The following ARHGEF11 variants were observed in gnomAD, a reference collection of about 807,000 sequenced individuals.
The protein encoded by ARHGEF11 is Rho guanine nucleotide exchange factor 11, also known as Rho guanine exchange factor (GEF) 11.
ARHGEF11 carries 55 observed loss-of-function variants against 193.7 expected under a neutral mutation model. That is an observed-to-expected ratio of 0.28 (90% CI 0.23 to 0.36). The LOEUF is 0.36. Ranked by LOEUF, ARHGEF11 falls within the 10% of genes least tolerant of loss-of-function variation. The pLI, the probability that ARHGEF11 is intolerant of heterozygous loss-of-function variation, is 1.00. For synonymous variants in ARHGEF11, 693 were observed against 768.0 expected, an observed-to-expected ratio of 0.90 and a Z score of 1.62; for missense variants, 1,723 against 2,005.6, an observed-to-expected ratio of 0.86 and a Z score of 2.69.
chr1:157,007,693 A>G (rs1441733906), intron 1 of ARHGEF11, among the ~76,000 whole-genome samples: 1 of 152,158 alleles, frequency 6.6e-6, no homozygotes, highest in Non-Finnish European at 1.5e-5. Context: ...GGCCACACAG[A>G]ATTAAACATT....
chr1:156,946,339 G>A (rs959441476), intron 28 of ARHGEF11, among the ~76,000 whole-genome samples, 177 bp from the exon 29 acceptor site: 2 of 152,188 alleles, frequency 1.3e-5, no homozygotes, highest in Non-Finnish European at 2.9e-5. Flanking sequence ...TGTGGTGGCA[G>A]GGAGACACCA....
At chr1:157,040,981 C>T (rs746259539) in intron 1 of ARHGEF11, among the ~76,000 whole-genome samples, 3 of 152,172 alleles carry the variant, frequency 2.0e-5, no homozygotes, top group Non-Finnish European at 4.4e-5. Flanking sequence ...CCAGAGGAGG[C>T]ATGTGACTTC....
intron 21 of ARHGEF11, among the ~76,000 whole-genome samples, chr1:156,953,509 T>G (rs1459101298): frequency 6.6e-6 from 1 of 152,150 alleles, no homozygotes; most frequent in African/African-American, 2.4e-5. Context: ...CCCCTTGTTT[T>G]ATAAACTTTT....
At chr1:157,029,482 G>A (rs929298085) in intron 1 of ARHGEF11, among the ~76,000 whole-genome samples, 3 of 152,106 alleles carry the variant, frequency 2.0e-5, no homozygotes, top group African/African-American at 7.2e-5. Context: ...ATGTTGGTTA[G>A]GCTGGTCTTG....
chr1:156,935,890 C>G lies in ARHGEF11; in HGVS notation c.*110G>C, dbSNP rs548409928. On this transcript the variant is annotated 3_prime_UTR_variant, in exon 41 of 41. Coordinates refer to ENST00000368194, the MANE Select transcript of ARHGEF11 (RefSeq NM_198236.3). ...CTTGGCTGGATCCTAGTTTCCCTAACTGCCTCCTCCACAGGGAGGAGTGTT... is the reference window on the plus strand; with the variant it reads ...CTTGGCTGGATCCTAGTTTCCCTAAGTGCCTCCTCCACAGGGAGGAGTGTT... 9.1e-4 allele frequency: 1,155 copies of G among 1,262,794 alleles called. 6 individuals are homozygous for G. In the African/African-American group the frequency reaches 0.015, roughly 16 times the overall value. The allele number at this position is 1,262,794 out of a possible 1,614,324, so 78.2% of individuals were successfully genotyped here. A position where few individuals can be genotyped will look rare whatever the true frequency, so the allele number is the denominator to read the frequency against.
chr1:156,990,084 G>T (rs930433368), intron 1 of ARHGEF11, among the ~76,000 whole-genome samples: 6 of 152,130 alleles, frequency 3.9e-5, no homozygotes, highest in Non-Finnish European at 8.8e-5. Flanking sequence ...AATTGCCTCA[G>T]TTCAGGAGCC....
chr1:157,028,328 T>C (rs1670900385), intron 1 of ARHGEF11, among the ~76,000 whole-genome samples: 1 of 152,206 alleles, frequency 6.6e-6, no homozygotes, highest in African/African-American at 2.4e-5. Context: ...ACATCAGGTA[T>C]TTTGCTAAGC....
rs186566517 is a variant in ARHGEF11 at position 156,954,081 on chromosome 1, C to A, written c.1798+811G>T. Among the ~76,000 whole-genome samples, 1,098 of 151,954 alleles carry A rather than the reference C, an allele frequency of 7.2e-3. 10 individuals are homozygous for A. The highest frequency in any genetic ancestry group is 8.4e-3 in the Non-Finnish European group (572 of 67,960). On this transcript the variant is annotated intron_variant, in intron 21 of 40. Coordinates refer to ENST00000368194, the MANE Select transcript of ARHGEF11 (RefSeq NM_198236.3). ...ACATTTTAATTATTTTAACTGAAAA[C>A]AAAAATCTGAGGCACTGACCGGGCG...
intron 1 of ARHGEF11, among the ~76,000 whole-genome samples, chr1:156,994,394 T>G (rs200497812): frequency 1.6e-5 from 2 of 122,176 alleles, no homozygotes; most frequent in African/African-American, 6.3e-5. Flanking sequence ...TATTGTGTGT[T>G]TTTTTTTTTT....
intron 3 of ARHGEF11, among the ~76,000 whole-genome samples, chr1:156,980,744 G>A (rs1025830188): frequency 1.3e-5 from 2 of 149,538 alleles, no homozygotes; most frequent in African/African-American, 4.9e-5. Flanking sequence ...GGCCAAGGCA[G>A]GAGCGAGGCA....
rs550151475 is a variant in ARHGEF11 at position 156,955,795 on chromosome 1, C to T, written c.1676G>A (p.Ser559Asn). The T allele has an allele frequency of 3.0e-5, 49 of 1,613,640 alleles. 1 individual carries two copies. The South Asian group carries it at 4.9e-4, about 16-fold the overall frequency. The change falls in exon 20 of 41, where the codon AGC (serine) becomes AAC (asparagine). Residue 559 changes from serine (S) to asparagine (N), a missense_variant. Physicochemically the swap from Ser to Asn is conservative, Grantham distance 46 (BLOSUM62 1). Around this residue, in one of 5 missense-constraint regions of ARHGEF11, gnomAD observed 491 missense variants for 654.5 expected, o/e 0.75. Transcript: ENST00000368194. ...LPFFPKTKKS[S>N]NSKKEKDALE... ...GGCATCCTTTTCTTTCTTGGAATTG[C>T]TGCTCTGCTGAGACAGGAGACACTG...
chr1:156,947,334 G>T lies in ARHGEF11; in HGVS notation c.2458C>A (p.Pro820Thr). The T allele has an allele frequency of 6.2e-7, 1 of 1,612,910 alleles. No individual in the cohort carries two copies. Among genetic ancestry groups the T allele is most frequent in the East Asian group, 2.2e-5 (1 of 44,854 alleles). The change falls in exon 26 of 41, where the codon CCG (proline) becomes ACG (threonine). Residue 820 changes from proline to threonine, a missense_variant. By Grantham distance (38) the Pro-to-Thr change is conservative. Transcript: ENST00000368194. ...MPREELARLF[P>T]NLPELIEIHN... ...ATCTCTATGAGTTCAGGCAGGTTCGGGAAGAGCCGGGCCAGCTCCTCCCGG... is the reference window on the plus strand; with the variant it reads ...ATCTCTATGAGTTCAGGCAGGTTCGTGAAGAGCCGGGCCAGCTCCTCCCGG...
In ARHGEF11 at chr1:156,935,842, A is replaced by G; in HGVS notation, c.*158T>C. 1 of 787,712 alleles carries G rather than the reference A, an allele frequency of 1.3e-6. No individual in the cohort carries two copies. 48.8% of individuals were successfully genotyped at this position (787,712 alleles called of 1,614,324 possible). On this transcript the variant is annotated 3_prime_UTR_variant, in exon 41 of 41. Coordinates refer to ENST00000368194, the MANE Select transcript of ARHGEF11 (RefSeq NM_198236.3). The stretch of plus-strand genomic sequence containing the variant: ...TGACTCCGACTTGAGCAGACCAAGC[A>G]ACATGCGGGTCTCCCCCCGGGCCTT...
In ARHGEF11 at chr1:157,044,309, T is replaced by G; in HGVS notation, c.22A>C (p.Ser8Arg). 6.2e-7 allele frequency: 1 copy of G among 1,613,570 alleles called. No individual in the cohort carries two copies. The highest frequency in any genetic ancestry group is 8.5e-7 in the Non-Finnish European group (1 of 1,179,868). ...TATTAGCAAACCTACCTGTCTATAC[T>G]CTGGGGTAACCTTACACTCATGGTT... The part of the protein sequence containing the change: MSVRLPQ[S>R]IDRLSSLSSL... The change falls in exon 1 of 41, where the codon AGT (serine) becomes CGT (arginine). Residue 8 changes from serine (S) to arginine (R), a missense_variant. By Grantham distance (110) the Ser-to-Arg change is moderately radical. Around this residue, in one of 5 missense-constraint regions of ARHGEF11, gnomAD observed 646 missense variants for 710.7 expected, o/e 0.91. Coordinates refer to ENST00000368194, the MANE Select transcript of ARHGEF11 (RefSeq NM_198236.3).
chr1:157,019,447 A>C (rs1430291707), intron 1 of ARHGEF11, among the ~76,000 whole-genome samples: 1 of 152,244 alleles, frequency 6.6e-6, no homozygotes, highest in African/African-American at 2.4e-5. Context: ...GGGAATGTGA[A>C]ATTATAAAAC....
intron 9 of ARHGEF11, 22 bp from the exon 10 acceptor site, chr1:156,969,380 T>A: frequency 6.3e-7 from 1 of 1,588,164 alleles, no homozygotes; most frequent in Non-Finnish European, 8.6e-7. Flanking sequence ...ATAGTTTCTA[T>A]AACACAGAAG....
intron 1 of ARHGEF11, among the ~76,000 whole-genome samples, chr1:156,998,235 T>C (rs1666789210): frequency 6.6e-6 from 1 of 152,214 alleles, no homozygotes; most frequent in African/African-American, 2.4e-5. Context: ...AGCACTGCCC[T>C]AGGCTGTGCA....
chr1:156,990,171 T>C (rs1011013065), intron 1 of ARHGEF11, among the ~76,000 whole-genome samples: 4 of 152,248 alleles, frequency 2.6e-5, no homozygotes, highest in Admixed American at 6.5e-5. Flanking sequence ...CTTTTCTTGG[T>C]CTTGTCTCTC....
intron 6 of ARHGEF11, among the ~76,000 whole-genome samples, chr1:156,977,407 GTTTT>G (rs1663416264): frequency 6.6e-6 from 1 of 151,796 alleles, no homozygotes; most frequent in African/African-American, 2.4e-5. Context: ...CTTTCTACTT[GTTTT>G]TTTGTTTTGT....
Sources: gnomAD v4.1 joint callset for allele counts (sites outside exome capture counted in the v4.1 genomes callset) on GRCh38, gnomAD v4.1.1 for gene constraint, gnomAD v4.1.1 regional missense constraint, MANE v1.5 for transcripts, NCBI Gene and HGNC (gene_info 2026-07-23, HGNC 2026-07-21) for gene names.